The following DDX43 variants were observed in gnomAD, a reference collection of about 807,000 sequenced individuals.
DDX43 encodes the protein probable ATP-dependent RNA helicase DDX43.
Under a neutral mutation model 84.9 loss-of-function variants are expected in DDX43, and 50 were observed. The ratio of observed to expected loss-of-function variants is 0.59; its 90% confidence interval spans 0.47 to 0.75. The LOEUF is 0.75. DDX43 is among the 30% of genes least tolerant of loss of function. DDX43 has a pLI of 0.00. For synonymous variants in DDX43, 291 were observed against 266.3 expected (o/e 1.09, Z -0.90); for missense variants, 689 against 798.6 (o/e 0.86, Z 1.65).
chr6:73,409,105 A>T, intron 9 of DDX43, 143 bp from the exon 10 acceptor site: 5 of 656,484 alleles, frequency 7.6e-6, no homozygotes, highest in Middle Eastern at 3.9e-4. Flanking sequence ...TAGTATTCTG[A>T]CCTCTGGAGA....
rs115807216 is a variant in DDX43 at position 73,411,254 on chromosome 6, T to C, written c.1281-951T>C. On this transcript the variant is annotated intron_variant, in intron 10 of 16. Coordinates refer to ENST00000370336, the MANE Select transcript of DDX43 (RefSeq NM_018665.3). ...CTGCTGACCCTATGAAAAATTGGAA[T>C]TTTTTTGTCGTTTATAAAGGCCAGG... 4.1e-3 allele frequency among the ~76,000 whole-genome samples: 620 copies of C among 151,532 alleles called. 2 individuals carry two copies. Among genetic ancestry groups the C allele is most frequent in the African/African-American group, 0.014 (592 of 41,332 alleles).
chr6:73,414,254 A>G (rs1201356982), intron 13 of DDX43, among the ~76,000 whole-genome samples, 175 bp downstream of exon 13: 2 of 152,242 alleles, frequency 1.3e-5, no homozygotes, highest in Non-Finnish European at 2.9e-5. Context: ...AGTATTAAAT[A>G]AACACAAGAC....
chr6:73,407,362 G>A (rs1360254398), intron 7 of DDX43, 143 bp from the exon 8 acceptor site: 24 of 562,962 alleles, frequency 4.3e-5, no homozygotes, highest in Non-Finnish European at 7.1e-5. Flanking sequence ...CAGGTAATCC[G>A]ACTGCCTTGG....
intron 9 of DDX43, among the ~76,000 whole-genome samples, chr6:73,408,824 G>A (rs1031249565): frequency 1.3e-5 from 2 of 152,120 alleles, no homozygotes; most frequent in Non-Finnish European, 2.9e-5. Context: ...CCAAAGTGCT[G>A]GGATGACAGG....
chr6:73,409,209 C>G (rs747272614), intron 9 of DDX43, 39 bp from the exon 10 acceptor site: 1 of 1,470,554 alleles, frequency 6.8e-7, no homozygotes, highest in South Asian at 1.1e-5. Context: ...TACCTGCCTC[C>G]CATATCTAAT....
chr6:73,402,109 A>G (rs1562283495), intron 4 of DDX43, 119 bp downstream of exon 4: 43 of 1,286,070 alleles, frequency 3.3e-5, no homozygotes, highest in Non-Finnish European at 4.7e-5. Flanking sequence ...AGTAAAATCT[A>G]AAATGCTGCA....
At chr6:73,399,056 C>T (rs1049475009) in intron 2 of DDX43, among the ~76,000 whole-genome samples, 1 of 152,172 alleles carries the variant, frequency 6.6e-6, no homozygotes, top group Non-Finnish European at 1.5e-5. Context: ...AGAGATTCTC[C>T]TGCCTCAGCT....
chr6:73,400,398 G>A, intron 3 of DDX43, 35 bp downstream of exon 3: 5 of 1,556,234 alleles, frequency 3.2e-6, no homozygotes, highest in Non-Finnish European at 4.3e-6. Context: ...CCCTTTAAAA[G>A]TTTTTAATTT....
intron 11 of DDX43, among the ~76,000 whole-genome samples, chr6:73,412,637 T>TATAG (rs1562286057): frequency 2.8e-5 from 1 of 35,832 alleles, no homozygotes; most frequent in Non-Finnish European, 7.3e-5. Context: ...TATATATATA[T>TATAG]AGTGTGTGTG....
intron 4 of DDX43, among the ~76,000 whole-genome samples, chr6:73,404,055 G>A (rs1484942943): frequency 6.6e-6 from 1 of 151,946 alleles, no homozygotes; most frequent in Non-Finnish European, 1.5e-5. Flanking sequence ...CTGACCTCAG[G>A]TGATCCACCA....
chr6:73,401,027 G>T (rs1176627612), intron 3 of DDX43, among the ~76,000 whole-genome samples: 1 of 151,962 alleles, frequency 6.6e-6, no homozygotes, highest in African/African-American at 2.4e-5. Context: ...TTCCAGGCTG[G>T]AGTGCAGTGG....
At chr6:73,395,739 G>A (rs504218) in intron 1 of DDX43, among the ~76,000 whole-genome samples, 73,814 of 151,872 alleles carry the variant, frequency 0.49, 18,556 homozygotes, top group South Asian at 0.6. Context: ...CTTAGAACAG[G>A]CCTTTTAACA....
chr6:73,399,894 G>A (rs1769534626), intron 2 of DDX43, among the ~76,000 whole-genome samples: 1 of 152,134 alleles, frequency 6.6e-6, no homozygotes, highest in South Asian at 2.1e-4. Flanking sequence ...CCATTTTATA[G>A]GTTGGAGACC....
At chr6:73,405,486 T>G (rs901014239) in intron 5 of DDX43, among the ~76,000 whole-genome samples, 193 bp from the exon 6 acceptor site, 1 of 152,358 alleles carries the variant, frequency 6.6e-6, no homozygotes, top group African/African-American at 2.4e-5. Flanking sequence ...AGTTTCCCAT[T>G]GCAACTATTC....
chr6:73,407,594 A>G lies in DDX43; in HGVS notation c.1016A>G (p.Tyr339Cys), dbSNP rs757248954. ...CAAGTAGAAGGAGAATGTTGCAAAT[A>G]TTCATATAAAGGGCTTCGGAGGTAA... is the stretch of plus-strand genomic sequence containing the variant. The part of the protein sequence containing the change: ...ALQVEGECCK[Y>C]SYKGLRSVCV... Residue 339 changes from tyrosine to cysteine, a missense_variant, in exon 8 of 17, where the codon TAT becomes TGT. Physicochemically the swap from Tyr to Cys is radical, Grantham distance 194 (BLOSUM62 -2). Coordinates refer to ENST00000370336, the MANE Select transcript of DDX43 (RefSeq NM_018665.3). 2.5e-6 allele frequency: 4 copies of G among 1,612,734 alleles called. No individual in the cohort carries two copies. Among genetic ancestry groups the G allele is most frequent in the Non-Finnish European group, 3.4e-6 (4 of 1,178,794 alleles).
intron 7 of DDX43, 138 bp from the exon 8 acceptor site, chr6:73,407,367 C>T (rs1013407429): frequency 1.7e-6 from 1 of 603,190 alleles, no homozygotes; most frequent in Non-Finnish European, 3.0e-6. Flanking sequence ...AATCCGACTG[C>T]CTTGGCCTCC....
intron 11 of DDX43, among the ~76,000 whole-genome samples, chr6:73,412,583 G>A (rs1409276494): frequency 2.0e-5 from 3 of 150,318 alleles, no homozygotes; most frequent in Non-Finnish European, 4.4e-5. Flanking sequence ...GTGCAGTGGG[G>A]TGATCTCGGC....
intron 14 of DDX43, among the ~76,000 whole-genome samples, chr6:73,414,897 CTA>C (rs1769871911): frequency 6.6e-6 from 1 of 152,148 alleles, no homozygotes; most frequent in Admixed American, 6.5e-5. Flanking sequence ...ATATCTGGTT[CTA>C]TGTGTTTTAT....
At chr6:73,416,753 G>A (rs988247076) in intron 16 of DDX43, among the ~76,000 whole-genome samples, 1 of 152,138 alleles carries the variant, frequency 6.6e-6, no homozygotes, top group Non-Finnish European at 1.5e-5. Flanking sequence ...GAAAGTTTTG[G>A]AGGCCATACA....
Sources: gnomAD v4.1 joint callset for allele counts (sites outside exome capture counted in the v4.1 genomes callset) on GRCh38, gnomAD v4.1.1 for gene constraint, MANE v1.5 for transcripts, NCBI Gene and HGNC (gene_info 2026-07-23, HGNC 2026-07-21) for gene names.